ATXN1: variants seen among roughly 807,000 people sequenced by gnomAD.
The protein encoded by ATXN1 is ataxin 1, also known as ataxin-1.
Under a neutral mutation model 56.4 loss-of-function variants are expected in ATXN1, and 8 were observed. That is an observed-to-expected ratio of 0.14 (90% CI 0.08 to 0.26). ATXN1 has a LOEUF of 0.26. ATXN1 is among the 10% of genes least tolerant of loss of function. ATXN1 has a pLI of 1.00. For synonymous variants in ATXN1, 514 were observed against 494.6 expected, an observed-to-expected ratio of 1.04 and a Z score of -0.52; for missense variants, 987 against 1,106.5, an observed-to-expected ratio of 0.89 and a Z score of 1.53.
chr6:16,699,016 A>G (rs1759227030), intron 2 of ATXN1, among the ~76,000 whole-genome samples: 1 of 152,216 alleles, frequency 6.6e-6, no homozygotes, highest in Non-Finnish European at 1.5e-5. Flanking sequence ...TTTGTCCAGA[A>G]ATCAGTATCT....
chr6:16,491,884 G>A (rs1760672558), intron 5 of ATXN1, among the ~76,000 whole-genome samples: 1 of 152,164 alleles, frequency 6.6e-6, no homozygotes, highest in Admixed American at 6.5e-5. Context: ...GTTGATGGAG[G>A]AGGCAAGTCA....
intron 5 of ATXN1, among the ~76,000 whole-genome samples, chr6:16,502,491 T>C (rs1760904102): frequency 6.6e-6 from 1 of 152,212 alleles, no homozygotes; most frequent in Admixed American, 6.5e-5. Context: ...ACATATGCTG[T>C]ATAAGCTGTT....
chr6:16,431,165 T>C (rs1294000135), intron 6 of ATXN1, among the ~76,000 whole-genome samples: 1 of 152,046 alleles, frequency 6.6e-6, no homozygotes, highest in Non-Finnish European at 1.5e-5. Context: ...GGAGCGTAGA[T>C]AGGAGTGGTG....
chr6:16,301,132 G>C lies in ATXN1; in HGVS notation c.*5197C>G, dbSNP rs928470744. 2 of 149,764 alleles carry C rather than the reference G, an allele frequency of 1.3e-5. No individual in the cohort carries two copies. The highest frequency in any genetic ancestry group is 5.0e-5 in the African/African-American group (2 of 40,396). The allele number at this position is 149,764 out of a possible 1,614,324, so 9.3% of individuals were successfully genotyped here. A position where few individuals can be genotyped will look rare whatever the true frequency, so the allele number is the denominator to read the frequency against. On this transcript the variant is annotated 3_prime_UTR_variant, in exon 8 of 8. Transcript: ENST00000436367. ...GTATGAAACTCATTGTTTCAACAGA[G>C]CCATATCTTTCAAACACTGAATGAA...
At chr6:16,565,945 T>G (rs1199564459) in intron 4 of ATXN1, among the ~76,000 whole-genome samples, 1 of 152,012 alleles carries the variant, frequency 6.6e-6, no homozygotes, top group Non-Finnish European at 1.5e-5. Flanking sequence ...CATGAAGAGG[T>G]GCCAGCTCCA....
At chr6:16,608,245 G>A (rs1226692456) in intron 3 of ATXN1, among the ~76,000 whole-genome samples, 2 of 152,144 alleles carry the variant, frequency 1.3e-5, no homozygotes, top group Non-Finnish European at 2.9e-5. Flanking sequence ...CTCTCTTTCT[G>A]TCTCTCTCCA....
At chr6:16,318,813 G>C (rs1760576067) in intron 7 of ATXN1, among the ~76,000 whole-genome samples, 1 of 152,216 alleles carries the variant, frequency 6.6e-6, no homozygotes, top group Admixed American at 6.5e-5. Flanking sequence ...GGGAGGCTCA[G>C]GGATGGCCAG....
rs144307843 is a variant in ATXN1, at chr6:16,327,301, G to A, written c.1010C>T (p.Pro337Leu). 1.4e-5 allele frequency: 22 copies of A among 1,613,002 alleles called. No homozygotes were observed. The highest frequency in any genetic ancestry group is 1.7e-5 in the Admixed American group (1 of 60,014). ...EMEKSRRYGAPSSADLGLGKA... is the reference protein window; with the variant it reads ...EMEKSRRYGALSSADLGLGKA... Reference sequence around the variant, plus strand: ...GCCCAGGCCCAGGTCGGCTGAGGACGGGGCCCCGTACCGCCGGCTCTTCTC... The same window carrying A: ...GCCCAGGCCCAGGTCGGCTGAGGACAGGGCCCCGTACCGCCGGCTCTTCTC... Residue 337 changes from proline to leucine, a missense_variant, in exon 7 of 8, where the codon CCG becomes CTG. Physicochemically the swap from Pro to Leu is moderately conservative, Grantham distance 98 (BLOSUM62 -3). Around this residue, in one of 3 missense-constraint regions of ATXN1, gnomAD observed 723 missense variants for 791.7 expected, o/e 0.91. Transcript: ENST00000436367.
chr6:16,632,090 G>A (rs1425844597), intron 3 of ATXN1, among the ~76,000 whole-genome samples: 1 of 152,200 alleles, frequency 6.6e-6, no homozygotes, highest in Admixed American at 6.5e-5. Flanking sequence ...AGAGGCTACA[G>A]CTAATGCTCT....
chr6:16,440,240 G>A (rs900709468), intron 6 of ATXN1, among the ~76,000 whole-genome samples: 2 of 151,858 alleles, frequency 1.3e-5, no homozygotes, highest in African/African-American at 2.4e-5. Flanking sequence ...TTAGCCAGGC[G>A]TGGTGGCACA....
At chr6:16,560,836 T>C (rs1263975935) in intron 4 of ATXN1, among the ~76,000 whole-genome samples, 2 of 152,204 alleles carry the variant, frequency 1.3e-5, no homozygotes, top group Non-Finnish European at 2.9e-5. Context: ...TTTTCCACTG[T>C]CCACCTGATG....
At chr6:16,433,626 C>T (rs756289359) in intron 6 of ATXN1, among the ~76,000 whole-genome samples, 1 of 152,218 alleles carries the variant, frequency 6.6e-6, no homozygotes, top group Non-Finnish European at 1.5e-5. Context: ...TGATGGAATT[C>T]AGCTGTACAG....
At chr6:16,494,113 GCA>G (rs1760726207) in intron 5 of ATXN1, among the ~76,000 whole-genome samples, 2 of 150,678 alleles carry the variant, frequency 1.3e-5, no homozygotes, top group African/African-American at 2.5e-5. Context: ...GGACTGAGAG[GCA>G]TCTCCAGTGC....
At chr6:16,441,817 G>C (rs1759523764) in intron 6 of ATXN1, among the ~76,000 whole-genome samples, 1 of 151,982 alleles carries the variant, frequency 6.6e-6, no homozygotes, top group South Asian at 2.1e-4. Context: ...AGGAGAAAGT[G>C]TTAAACATCA....
At chr6:16,370,911 A>G (rs541609677) in intron 6 of ATXN1, among the ~76,000 whole-genome samples, 45 of 152,354 alleles carry the variant, frequency 3.0e-4, no homozygotes, top group African/African-American at 7.9e-4. Flanking sequence ...AAATTAATGG[A>G]GCTAAATATT....
Position 16,301,429 on chromosome 6 carries a change from TG to T in ATXN1, c.*4899del, listed in dbSNP as rs1172292770. 1 of 152,608 alleles carries T rather than the reference TG, an allele frequency of 6.6e-6. No individual in the cohort carries two copies. Among genetic ancestry groups the T allele is most frequent in the African/African-American group, 2.4e-5 (1 of 41,430 alleles). 9.5% of individuals were successfully genotyped at this position (152,608 alleles called of 1,614,324 possible). On this transcript the variant is annotated 3_prime_UTR_variant, in exon 8 of 8. Transcript: ENST00000436367. The stretch of plus-strand genomic sequence containing the variant: ...TTTCCCTATGCCAGAAACACAACAC[TG>T]TCCGTGGAAAAGAGAGGAAACCAAC...
At chr6:16,519,819 T>A (rs1289276091) in intron 5 of ATXN1, among the ~76,000 whole-genome samples, 1 of 152,162 alleles carries the variant, frequency 6.6e-6, no homozygotes, top group Admixed American at 6.5e-5. Flanking sequence ...TTGCCTTGTC[T>A]CTCATCAAGT....
rs183868659 is a variant in ATXN1, at chr6:16,444,703, T to C, written c.-161+41269A>G. Reference sequence around the variant, plus strand: ...GGAGTTTCTCTTCATGAACAATAATTCCTGCTAACAAATGAACAAATAATA... The same window carrying C: ...GGAGTTTCTCTTCATGAACAATAATCCCTGCTAACAAATGAACAAATAATA... On this transcript the variant is annotated intron_variant, in intron 6 of 7. Coordinates refer to ENST00000436367, the MANE Select transcript of ATXN1 (RefSeq NM_001128164.2). 1.4e-3 allele frequency among the ~76,000 whole-genome samples: 207 copies of C among 152,188 alleles called. 2 individuals are homozygous for C. Among genetic ancestry groups the C allele is most frequent in the East Asian group, 5.4e-3 (28 of 5,174 alleles).
At chr6:16,390,680 TCACACACACACA>T (rs57705650) in intron 6 of ATXN1, among the ~76,000 whole-genome samples, 5 of 147,158 alleles carry the variant, frequency 3.4e-5, no homozygotes, top group Admixed American at 1.4e-4. Context: ...AATAAACACA[TCACACACACACA>T]CACACACACA....
Sources: gnomAD v4.1 joint callset for allele counts (sites outside exome capture counted in the v4.1 genomes callset) on GRCh38, gnomAD v4.1.1 for gene constraint, gnomAD v4.1.1 regional missense constraint, MANE v1.5 for transcripts, NCBI Gene and HGNC (gene_info 2026-07-23, HGNC 2026-07-21) for gene names.